The following MAGEC3 variants were observed in gnomAD, a reference collection of about 807,000 sequenced individuals.
MAGEC3 encodes the protein MAGE family member C3.
MAGEC3 carries 34 observed loss-of-function variants against 35.3 expected under a neutral mutation model. The ratio of observed to expected loss-of-function variants is 0.96; its 90% CI spans 0.73 to 1.28. The LOEUF (loss-of-function observed/expected upper bound fraction) is 1.28. MAGEC3 is among the 50% of genes most tolerant of loss of function. The pLI is 0.00. For missense variants in MAGEC3, 561 were observed against 483.6 expected, an observed-to-expected ratio of 1.16 and a Z score of -1.50; for synonymous variants, 202 against 185.6, an observed-to-expected ratio of 1.09 and a Z score of -0.72.
intron 2 of MAGEC3, among the ~76,000 whole-genome samples, chrX:141,871,163 A>G (rs747323716): frequency 4.5e-5 from 5 of 111,786 alleles, no homozygotes; most frequent in South Asian, 3.7e-4. Context: ...ACAGAAGAAG[A>G]TCTAGTAGTT....
At position 141,862,942 on chromosome X, in the gene MAGEC3, A is replaced by T. The variant is rs181907648; in HGVS notation, c.124-2529A>T. ...AATTTTCAAAATAGCTAGAAGAGAGAGCATGAAATGCACCAGCACATAGAA... is the reference window on the plus strand; with the variant it reads ...AATTTTCAAAATAGCTAGAAGAGAGTGCATGAAATGCACCAGCACATAGAA... On this transcript the variant is annotated intron_variant, in intron 1 of 7. Coordinates refer to ENST00000298296, the MANE Select transcript of MAGEC3 (RefSeq NM_138702.1). Among the ~76,000 whole-genome samples the T allele has an allele frequency of 4.5e-5, 5 of 111,901 alleles. No homozygotes were observed. In the East Asian group the frequency reaches 1.4e-3, roughly 32 times the overall value.
At chrX:141,892,770 T>G (rs911926101) in intron 4 of MAGEC3, among the ~76,000 whole-genome samples, 4 of 111,878 alleles carry the variant, frequency 3.6e-5, no homozygotes, top group Non-Finnish European at 7.5e-5. Context: ...AAACCCTAGG[T>G]AACCTTGGTT....
chrX:141,838,903 T>C, intron 1 of MAGEC3: 2 of 723,397 alleles, frequency 2.8e-6, no homozygotes, highest in Non-Finnish European at 3.3e-6. Context: ...GTGCTCAGTC[T>C]GTTGAGGGCA....
chrX:141,853,728 G>A (rs1051550500), intron 1 of MAGEC3, among the ~76,000 whole-genome samples: 15 of 111,243 alleles, frequency 1.3e-4, no homozygotes, highest in African/African-American at 4.2e-4. Context: ...AAGGTTTTGT[G>A]GGTGTTTTAA....
At chrX:141,848,072 G>T (rs1345033016) in intron 1 of MAGEC3, among the ~76,000 whole-genome samples, 1 of 109,944 alleles carries the variant, frequency 9.1e-6, no homozygotes, top group East Asian at 2.9e-4. Flanking sequence ...ATACATATGT[G>T]TGTGTAGTAT....
intron 1 of MAGEC3, among the ~76,000 whole-genome samples, chrX:141,855,600 A>G (rs748438216): frequency 1.5e-4 from 17 of 111,623 alleles, no homozygotes; most frequent in Non-Finnish European, 2.8e-4. Flanking sequence ...GAAAGCTAGA[A>G]AAATGCACAG....
At chrX:141,857,841 T>C (rs1318480984) in intron 1 of MAGEC3, among the ~76,000 whole-genome samples, 1 of 111,403 alleles carries the variant, frequency 9.0e-6, no homozygotes, top group Non-Finnish European at 1.9e-5. Context: ...CATTTGCTAA[T>C]TGTATTGCAC....
chrX:141,897,090 C>T lies in MAGEC3; in HGVS notation c.1332C>T (p.Ala444=), dbSNP rs377679687. ...AGGAGGATACAGCTACTTGGCATGC[C>T]TTGCCAGAAAGTGAATCCTTGCCCA... is the stretch of plus-strand genomic sequence containing the variant. The part of the protein sequence containing the change: ...SEEEDTATWH[A]LPESESLPRY... Residue 444 remains alanine (A), a synonymous_variant, in exon 7 of 8, where the codon GCC becomes GCT. Transcript: ENST00000298296. 39 of 1,210,004 alleles carry T rather than the reference C, an allele frequency of 3.2e-5. No individual in the cohort carries two copies. The African/African-American group carries it at 6.5e-4, about 20-fold the overall frequency.
At chrX:141,859,070 T>C (rs970827108) in intron 1 of MAGEC3, among the ~76,000 whole-genome samples, 1 of 81,995 alleles carries the variant, frequency 1.2e-5, no homozygotes, top group Non-Finnish European at 2.5e-5. Flanking sequence ...ATTCGCTTTG[T>C]TTCTGTCTTT....
At chrX:141,866,032 G>A (rs968494563) in intron 2 of MAGEC3, among the ~76,000 whole-genome samples, 2 of 111,180 alleles carry the variant, frequency 1.8e-5, no homozygotes, top group Non-Finnish European at 3.8e-5. Flanking sequence ...CAGAAGGGCC[G>A]GGGTGAAGAC....
At chrX:141,865,960 A>T (rs1411000826) in intron 2 of MAGEC3, among the ~76,000 whole-genome samples, 1 of 111,198 alleles carries the variant, frequency 9.0e-6, no homozygotes, top group African/African-American at 3.3e-5. Context: ...ATCCCCTGAC[A>T]TCCTTTTAGA....
chrX:141,848,203 T>C (rs1427609162), intron 1 of MAGEC3, among the ~76,000 whole-genome samples: 1 of 109,771 alleles, frequency 9.1e-6, no homozygotes, highest in Non-Finnish European at 1.9e-5. Context: ...CTTATTATTC[T>C]CAGAACTGGA....
chrX:141,894,009 C>G (rs1247618076), intron 4 of MAGEC3, among the ~76,000 whole-genome samples: 1 of 112,032 alleles, frequency 8.9e-6, no homozygotes, highest in Non-Finnish European at 1.9e-5. Flanking sequence ...AAGAGGAATT[C>G]TCATTCCTTG....
intron 1 of MAGEC3, among the ~76,000 whole-genome samples, chrX:141,862,049 G>A (rs1189301961): frequency 9.0e-6 from 1 of 111,351 alleles, no homozygotes. Flanking sequence ...TCCAACCAGG[G>A]ACTACTACTG....
At position 141,841,038 on chromosome X, in the gene MAGEC3, G is replaced by T. The variant is rs186870977; in HGVS notation, c.123+2600G>T. The stretch of plus-strand genomic sequence containing the variant: ...AAAGGTGAATTGTAAAAAATAATGT[G>T]ATAATAACTTCACTCTGCTTTTCCT... On this transcript the variant is annotated intron_variant, in intron 1 of 7. Transcript: ENST00000298296. Among the ~76,000 whole-genome samples, 444 of 111,166 alleles carry T rather than the reference G, an allele frequency of 4.0e-3. 1 individual carries two copies. Among genetic ancestry groups the T allele is most frequent in the Non-Finnish European group, 6.1e-3 (321 of 52,896 alleles).
rs1322066406 is a variant in MAGEC3 at position 141,897,459 on chromosome X, C to T, written c.1701C>T (p.Val567=). The change falls in exon 7 of 8, where the codon GTC becomes GTT. Residue 567 remains valine, a synonymous_variant. Transcript: ENST00000298296. ...AGGGCAGCTGTGTCCCCGAGGAGGT[C>T]ATCTGGGAAGTGTTGAGTGCAATAG... The part of the protein sequence containing the change: ...FIKGSCVPEE[V]IWEVLSAIGP... 1 of 1,207,570 alleles carries T rather than the reference C, an allele frequency of 8.3e-7. No homozygotes were observed. The highest frequency in any genetic ancestry group is 3.0e-5 in the East Asian group (1 of 33,698).
At chrX:141,873,701 C>T (rs1166890407) in intron 2 of MAGEC3, among the ~76,000 whole-genome samples, 1 of 111,495 alleles carries the variant, frequency 9.0e-6, no homozygotes, top group East Asian at 2.8e-4. Flanking sequence ...ATAAAGAAAA[C>T]TATAAGACTC....
chrX:141,895,685 T>C, intron 6 of MAGEC3, 126 bp downstream of exon 6: 1 of 394,366 alleles, frequency 2.5e-6, no homozygotes, highest in Non-Finnish European at 3.6e-6. Flanking sequence ...AGCTCCTCAG[T>C]CAGCTCAGGC....
At position 141,893,147 on chromosome X, in the gene MAGEC3, C is replaced by T. The variant is rs967057492; in HGVS notation, c.910-2122C>T. 3.4e-4 allele frequency among the ~76,000 whole-genome samples: 37 copies of T among 108,805 alleles called. 1 individual carries two copies. The highest frequency in any genetic ancestry group is 8.4e-4 in the African/African-American group (25 of 29,742). 94.5% of individuals were successfully genotyped at this position (108,805 alleles called of 115,157 possible). A position where few individuals can be genotyped will look rare whatever the true frequency, so the allele number is the denominator to read the frequency against. ...GCAAATTAAAGCACCTAGGAGATAG[C>T]GCTCTACACCCAGGAGAATGGCTGA... On this transcript the variant is annotated intron_variant, in intron 4 of 7. Transcript: ENST00000298296.
Sources: gnomAD v4.1 joint callset for allele counts (sites outside exome capture counted in the v4.1 genomes callset) on GRCh38, gnomAD v4.1.1 for gene constraint, MANE v1.5 for transcripts, NCBI Gene and HGNC (gene_info 2026-07-23, HGNC 2026-07-21) for gene names.